The following DGKB variants were observed in gnomAD, a reference collection of about 807,000 sequenced individuals.
The protein encoded by DGKB is 90 kDa diacylglycerol kinase.
DGKB carries 67 observed loss-of-function variants against 114.3 expected under a neutral mutation model. That is an observed-to-expected ratio of 0.59 (90% CI 0.48 to 0.72). The LOEUF (loss-of-function observed/expected upper bound fraction) is 0.72, where lower values mean the gene tolerates loss of function less well. Ranked by LOEUF, DGKB falls within the 30% of genes least tolerant of loss-of-function variation. The pLI, the probability that DGKB is intolerant of heterozygous loss-of-function variation, is 0.00. For synonymous variants in DGKB, 398 were observed against 323.1 expected (o/e 1.23, Z -2.49); for missense variants, 907 against 975.2 (o/e 0.93, Z 0.93).
chr7:14,931,849 CG>C (rs1554347553), intron 1 of DGKB, among the ~76,000 whole-genome samples: 1 of 141,334 alleles, frequency 7.1e-6, no homozygotes, highest in African/African-American at 2.5e-5. Context: ...CGGGGTGGGT[CG>C]GGGGGTGGGG....
chr7:14,528,136 A>T (rs1486451492), intron 20 of DGKB, among the ~76,000 whole-genome samples: 1 of 152,158 alleles, frequency 6.6e-6, no homozygotes, highest in African/African-American at 2.4e-5. Flanking sequence ...TTCTGTTTTT[A>T]TACATATTTT....
chr7:14,466,810 C>T (rs1025916184), intron 21 of DGKB, among the ~76,000 whole-genome samples: 1 of 152,048 alleles, frequency 6.6e-6, no homozygotes, highest in African/African-American at 2.4e-5. Context: ...GAGCAAGACT[C>T]GTCTCAAAAT....
intron 21 of DGKB, among the ~76,000 whole-genome samples, chr7:14,459,693 A>G (rs1231752158): frequency 6.6e-6 from 1 of 152,206 alleles, no homozygotes; most frequent in Non-Finnish European, 1.5e-5. Flanking sequence ...ATCCAGAAGA[A>G]CTTCACCAAC....
chr7:14,314,604 C>T (rs1806111567), intron 23 of DGKB, among the ~76,000 whole-genome samples: 1 of 152,106 alleles, frequency 6.6e-6, no homozygotes, highest in East Asian at 1.9e-4. Flanking sequence ...AAGAAATGAG[C>T]AAAGCCTCCA....
chr7:14,342,382 A>G (rs943980059), intron 22 of DGKB, among the ~76,000 whole-genome samples: 24 of 151,856 alleles, frequency 1.6e-4, no homozygotes, highest in African/African-American at 5.3e-4. Flanking sequence ...TCAATTCCAA[A>G]TGCTGACCTG....
At chr7:14,794,472 C>T (rs1841120374) in intron 2 of DGKB, among the ~76,000 whole-genome samples, 1 of 152,084 alleles carries the variant, frequency 6.6e-6, no homozygotes, top group Non-Finnish European at 1.5e-5. Context: ...TAAAATGACA[C>T]TGGTTGGTTG....
chr7:14,242,455 G>C (rs1478474224), intron 23 of DGKB, among the ~76,000 whole-genome samples: 3 of 152,120 alleles, frequency 2.0e-5, no homozygotes, highest in African/African-American at 7.2e-5. Context: ...AGCTTTCGGT[G>C]CTTGAGACTC....
intron 4 of DGKB, among the ~76,000 whole-genome samples, chr7:14,745,917 C>T (rs1321303208): frequency 4.6e-5 from 7 of 152,186 alleles, no homozygotes; most frequent in African/African-American, 1.7e-4. Flanking sequence ...TTCTTCTTGA[C>T]TCTTCTTTTT....
chr7:14,587,986 C>G (rs959450117), intron 17 of DGKB, among the ~76,000 whole-genome samples: 1 of 151,988 alleles, frequency 6.6e-6, no homozygotes, highest in Non-Finnish European at 1.5e-5. Flanking sequence ...TATGCCTGTA[C>G]GTACTTCCTA....
At chr7:14,803,553 T>C (rs1013236748) in intron 2 of DGKB, among the ~76,000 whole-genome samples, 1 of 152,200 alleles carries the variant, frequency 6.6e-6, no homozygotes, top group African/African-American at 2.4e-5. Context: ...TTTTAAAGAA[T>C]CAAATGGCTT....
rs1583862706 is a variant in DGKB at position 14,427,852 on chromosome 7, A to C, written c.1835+50309T>G. ...AATTCAAGGTGAGATTTGGGTGGGG[A>C]CACAACCATACCACAATGTTTTAGA... On this transcript the variant is annotated intron_variant, in intron 21 of 25. Transcript: ENST00000402815. Among the ~76,000 whole-genome samples, 10 of 152,248 alleles carry C rather than the reference A, an allele frequency of 6.6e-5. No homozygotes were observed. The South Asian group carries it at 2.1e-3, about 32-fold the overall frequency.
intron 1 of DGKB, among the ~76,000 whole-genome samples, chr7:14,852,586 TTTTGTTATA>T (rs1474599000): frequency 1.3e-5 from 2 of 151,944 alleles, no homozygotes; most frequent in Non-Finnish European, 2.9e-5. Context: ...GTTTTGTTAT[TTTTGTTATA>T]TTTGTTTTTG....
intron 17 of DGKB, among the ~76,000 whole-genome samples, chr7:14,586,837 C>A (rs116498031): frequency 1.0e-4 from 15 of 147,824 alleles, no homozygotes; most frequent in Non-Finnish European, 2.2e-4. Context: ...TTTAAGTCCA[C>A]GACTGAGACA....
intron 12 of DGKB, among the ~76,000 whole-genome samples, chr7:14,681,945 C>G (rs1414536967): frequency 6.6e-6 from 1 of 152,012 alleles, no homozygotes; most frequent in East Asian, 1.9e-4. Flanking sequence ...AGGAAGGCAA[C>G]AATATGTTGG....
chr7:14,174,375 G>A (rs1054594146), intron 25 of DGKB, among the ~76,000 whole-genome samples: 1 of 152,090 alleles, frequency 6.6e-6, no homozygotes, highest in Admixed American at 6.6e-5. Flanking sequence ...ATCAACATGG[G>A]TCAAGTGTCT....
In DGKB at chr7:14,188,435, C is replaced by T. The variant is rs1052243323; in HGVS notation, c.2123-10284G>A. Among the ~76,000 whole-genome samples, 11 of 120,244 alleles carry T rather than the reference C, an allele frequency of 9.1e-5. 1 individual carries two copies. Among genetic ancestry groups the T allele is most frequent in the East Asian group, 2.3e-4 (1 of 4,392 alleles). 78.9% of individuals were successfully genotyped at this position (120,244 alleles called of 152,430 possible). ...CAGCACTTTGGGAGGCCGAGGCGGG[C>T]GGATCACGAGGTCAGGAGATCGAGA... On this transcript the variant is annotated intron_variant, in intron 23 of 25. Coordinates refer to ENST00000402815, the MANE Select transcript of DGKB (RefSeq NM_001350709.2).
chr7:14,746,874 G>A (rs561505095), intron 4 of DGKB, among the ~76,000 whole-genome samples: 2 of 152,106 alleles, frequency 1.3e-5, no homozygotes, highest in African/African-American at 4.8e-5. Context: ...GGTTTTGTGT[G>A]TCTCAAATAC....
chr7:14,761,253 A>G (rs1289818459), intron 2 of DGKB, among the ~76,000 whole-genome samples: 1 of 152,128 alleles, frequency 6.6e-6, no homozygotes, highest in South Asian at 2.1e-4. Context: ...TCAATCTTCT[A>G]AAGATAAGGA....
In DGKB at chr7:14,876,948, G is replaced by A. The variant is rs79141294; in HGVS notation, c.-188+25644C>T. 1.4e-3 allele frequency among the ~76,000 whole-genome samples: 220 copies of A among 152,250 alleles called. 1 individual carries two copies. Among genetic ancestry groups the A allele is most frequent in the African/African-American group, 5.0e-3 (208 of 41,542 alleles). The stretch of plus-strand genomic sequence containing the variant: ...CAATATCCTCCAAATTCTGTTTACA[G>A]AAAAGAAAAATTAGACCATGCCTGT... On this transcript the variant is annotated intron_variant, in intron 1 of 25. Transcript: ENST00000402815.
Sources: gnomAD v4.1 joint callset for allele counts (sites outside exome capture counted in the v4.1 genomes callset) on GRCh38, gnomAD v4.1.1 for gene constraint, MANE v1.5 for transcripts, NCBI Gene and HGNC (gene_info 2026-07-23, HGNC 2026-07-21) for gene names.